KIF26B: variants seen among roughly 807,000 people sequenced by gnomAD.
The protein encoded by KIF26B is kinesin family member 26B, also known as kinesin-like protein KIF26B.
In KIF26B, 63 loss-of-function variants were observed where a neutral mutation model predicts 151.2. That is an observed-to-expected ratio of 0.42 (90% CI 0.34 to 0.51). The LOEUF (loss-of-function observed/expected upper bound fraction) is 0.51. KIF26B is among the 20% of genes least tolerant of loss of function. The pLI, the probability that KIF26B is intolerant of heterozygous loss-of-function variation, is 0.07. For synonymous variants in KIF26B, 1,357 were observed against 1,262.1 expected (o/e 1.08, Z -1.59); for missense variants, 2,813 against 2,913.6 (o/e 0.97, Z 0.79).
At chr1:245,326,212 G>T (rs1393503723) in intron 2 of KIF26B, among the ~76,000 whole-genome samples, 1 of 152,106 alleles carries the variant, frequency 6.6e-6, no homozygotes, top group East Asian at 1.9e-4. Flanking sequence ...TAAACCAAAG[G>T]CCTCAAGCAG....
At chr1:245,634,256 T>C (rs1465866259) in intron 9 of KIF26B, among the ~76,000 whole-genome samples, 2 of 152,266 alleles carry the variant, frequency 1.3e-5, no homozygotes. Context: ...TAGATTTTTC[T>C]ATAGGTGACT....
At chr1:245,177,704 CT>C (rs1166700239) in intron 2 of KIF26B, among the ~76,000 whole-genome samples, 1 of 151,732 alleles carries the variant, frequency 6.6e-6, no homozygotes, top group Non-Finnish European at 1.5e-5. Context: ...GTCTTTCCCC[CT>C]GGCCTTCTGG....
chr1:245,325,568 G>A (rs185171261), intron 2 of KIF26B, among the ~76,000 whole-genome samples: 29 of 151,992 alleles, frequency 1.9e-4, no homozygotes, highest in Admixed American at 1.4e-3. Flanking sequence ...CAAAATTAGC[G>A]GGCGTGGTGG....
intron 10 of KIF26B, among the ~76,000 whole-genome samples, chr1:245,660,429 G>A (rs556866028): frequency 6.0e-5 from 9 of 149,624 alleles, no homozygotes; most frequent in African/African-American, 1.7e-4. Flanking sequence ...TTGATCTCCC[G>A]GGCTCAACAG....
chr1:245,525,518 G>A (rs1166271071), intron 4 of KIF26B, among the ~76,000 whole-genome samples: 2 of 152,188 alleles, frequency 1.3e-5, no homozygotes, highest in African/African-American at 4.8e-5. Flanking sequence ...AGAAATCAAT[G>A]TGAAATAAGA....
At chr1:245,671,249 T>C (rs1296305538) in intron 10 of KIF26B, among the ~76,000 whole-genome samples, 1 of 152,222 alleles carries the variant, frequency 6.6e-6, no homozygotes, top group Non-Finnish European at 1.5e-5. Context: ...CACCTGTTGA[T>C]GGACATTTAG....
intron 10 of KIF26B, chr1:245,676,472 CCTT>C (rs1185626381): frequency 1.3e-5 from 2 of 152,216 alleles, no homozygotes; most frequent in African/African-American, 4.8e-5. Context: ...TGACTTGAAA[CCTT>C]CTGTTATTTA....
At chr1:245,348,094 G>C (rs79171209) in intron 2 of KIF26B, among the ~76,000 whole-genome samples, 3,386 of 152,238 alleles carry the variant, frequency 0.022, 65 homozygotes, top group African/African-American at 0.049. Flanking sequence ...CTCCTTCCTG[G>C]ATGACTTTCT....
At position 245,702,818 on chromosome 1, in the gene KIF26B, T is replaced by A; in HGVS notation, c.*212T>A. 1 of 514,574 alleles carries A rather than the reference T, an allele frequency of 1.9e-6. No individual in the cohort carries two copies. Among genetic ancestry groups the A allele is most frequent in the Non-Finnish European group, 3.3e-6 (1 of 301,844 alleles). The allele number at this position is 514,574 out of a possible 1,614,324, so 31.9% of individuals were successfully genotyped here. On this transcript the variant is annotated 3_prime_UTR_variant, in exon 15 of 15. Coordinates refer to ENST00000407071, the MANE Select transcript of KIF26B (RefSeq NM_018012.4). The surrounding 1 kb of genome is among the most constrained non-coding windows in gnomAD (Gnocchi z 4.1). The stretch of plus-strand genomic sequence containing the variant: ...CAAACACCGTGGAAGGAGAAAAGGA[T>A]GGGAAGCCCGAGGGGTGTCCAAGCC...
intron 4 of KIF26B, among the ~76,000 whole-genome samples, chr1:245,477,369 G>C (rs561343694): frequency 6.6e-6 from 1 of 151,760 alleles, no homozygotes; most frequent in East Asian, 1.9e-4. Context: ...GGGGAACCAA[G>C]ACGAAGATTC....
chr1:245,301,863 A>G (rs1671433958), intron 2 of KIF26B, among the ~76,000 whole-genome samples: 1 of 152,192 alleles, frequency 6.6e-6, no homozygotes. Flanking sequence ...TGCAACCTCC[A>G]GATTATTCAG....
rs1179257014 is a variant in KIF26B at position 245,239,268 on chromosome 1, T to C, written c.465+82585T>C. On this transcript the variant is annotated intron_variant, in intron 2 of 14. Transcript: ENST00000407071. This position sits in a 1 kb window ranked among gnomAD's most constrained non-coding sequence, Gnocchi z 4.3. ...GCTGCAGTCCCGCAGAAAATGATGA[T>C]GTTGCACAAGGCGAAGAAGCAGATA... Among the ~76,000 whole-genome samples, 1 of 152,128 alleles carries C rather than the reference T, an allele frequency of 6.6e-6. No homozygotes were observed. The highest frequency in any genetic ancestry group is 1.5e-5 in the Non-Finnish European group (1 of 68,028).
chr1:245,530,641 ATCT>A (rs1661340152), intron 4 of KIF26B, among the ~76,000 whole-genome samples: 1 of 152,160 alleles, frequency 6.6e-6, no homozygotes, highest in Admixed American at 6.5e-5. Flanking sequence ...ATTCAGGAAA[ATCT>A]TTCAGCTCCT....
At chr1:245,389,509 T>G (rs1048459358) in intron 3 of KIF26B, among the ~76,000 whole-genome samples, 1 of 152,196 alleles carries the variant, frequency 6.6e-6, no homozygotes, top group African/African-American at 2.4e-5. Context: ...ATTTTGTCCA[T>G]TTTTATTACT....
rs761735254 is a variant in KIF26B, at chr1:245,156,424, C to G, written c.206C>G (p.Pro69Arg). ...TCAGCGCTCGGCTCCTCGGGGACCC[C>G]GTCTCCCGGCTCGGGCACCTCGTCC... ...AGSALGSSGT[P>R]SPGSGTSSPS... The change falls in exon 2 of 15, where the codon CCG (proline) becomes CGG (arginine). Residue 69 changes from proline (P) to arginine (R), a missense_variant. Pro to Arg is a moderately radical substitution (Grantham distance 103). Transcript: ENST00000407071. The G allele has an allele frequency of 2.5e-4, 389 of 1,529,550 alleles. No individual in the cohort carries two copies. Among genetic ancestry groups the G allele is most frequent in the Non-Finnish European group, 3.2e-4 (364 of 1,140,962 alleles). 94.7% of individuals were successfully genotyped at this position (1,529,550 alleles called of 1,614,324 possible). A position where few individuals can be genotyped will look rare whatever the true frequency, so the allele number is the denominator to read the frequency against.
intron 10 of KIF26B, among the ~76,000 whole-genome samples, chr1:245,668,514 T>C (rs2044243317): frequency 6.6e-6 from 1 of 152,232 alleles, no homozygotes; most frequent in Non-Finnish European, 1.5e-5. Context: ...TTGTGGCTTC[T>C]GTGTAACGTC....
intron 2 of KIF26B, among the ~76,000 whole-genome samples, chr1:245,276,657 C>T (rs1670944695): frequency 6.6e-6 from 1 of 152,178 alleles, no homozygotes; most frequent in Admixed American, 6.5e-5. Flanking sequence ...TTACACTGTG[C>T]TGACCTGGGG....
At chr1:245,510,420 C>T (rs1032049819) in intron 4 of KIF26B, among the ~76,000 whole-genome samples, 4 of 152,238 alleles carry the variant, frequency 2.6e-5, no homozygotes, top group Admixed American at 6.5e-5. Flanking sequence ...TCTGCACATA[C>T]GTGGCTAAAT....
intron 2 of KIF26B, among the ~76,000 whole-genome samples, chr1:245,177,407 G>A (rs1418374018): frequency 1.1e-4 from 16 of 152,122 alleles, no homozygotes; most frequent in Non-Finnish European, 2.4e-4. Context: ...AGATATTTTT[G>A]TGGGAATGGT....
Sources: allele counts gnomAD v4.1 joint callset (sites outside exome capture counted in the v4.1 genomes callset), GRCh38; gene constraint gnomAD v4.1.1; non-coding constraint Gnocchi (gnomAD v3.1); transcripts MANE v1.5; gene names NCBI Gene and HGNC (gene_info 2026-07-23, HGNC 2026-07-21).